UNKL: variants seen among roughly 807,000 people sequenced by gnomAD.
UNKL encodes the protein unk like zinc finger, also known as putative E3 ubiquitin-protein ligase UNKL.
A neutral mutation model predicts 78.0 loss-of-function variants in UNKL; 60 were observed. The observed-to-expected ratio is 0.77, with a 90% CI of 0.63 to 0.95. The LOEUF (loss-of-function observed/expected upper bound fraction) is 0.95, where lower values mean the gene tolerates loss of function less well. Among genes scored for constraint, UNKL ranks in the 40% least tolerant of loss-of-function variants. The pLI is 0.00. For missense variants in UNKL, 1,159 were observed against 1,045.7 expected (o/e 1.11, Z -1.49); for synonymous variants, 608 against 474.8 (o/e 1.28, Z -3.65).
In UNKL at chr16:1,371,577, A is replaced by G; in HGVS notation, c.1299T>C (p.Asn433=). ...SALDLHLSNV[N]IASLEKDLEE... is the part of the protein sequence containing the mutation. ...CCAGGTCCTTCTCTAGGGATGCAATATTCACATTGCTAAGATGCAGGTCTA... is the reference window on the plus strand; with the variant it reads ...CCAGGTCCTTCTCTAGGGATGCAATGTTCACATTGCTAAGATGCAGGTCTA... Residue 433 remains asparagine, a synonymous_variant, in exon 11 of 15, where the codon AAT becomes AAC. Transcript: ENST00000389221. 6.5e-7 allele frequency: 1 copy of G among 1,536,172 alleles called. No individual in the cohort carries two copies. The highest frequency in any genetic ancestry group is 8.7e-7 in the Non-Finnish European group (1 of 1,146,904).
chr16:1,401,706 A>T lies in UNKL; in HGVS notation c.465-5T>A. 6.2e-7 allele frequency: 1 copy of T among 1,607,212 alleles called. No homozygotes were observed. Among genetic ancestry groups the T allele is most frequent in the Non-Finnish European group, 8.5e-7 (1 of 1,177,990 alleles). On this transcript the variant is annotated splice_region_variant and splice_polypyrimidine_tract_variant and intron_variant, in intron 3 of 14. Transcript: ENST00000389221. ...GCTTCCTGGGCCTGCAGCTCCCTGC[A>T]AGCCGAGGACACAGTGGTCACAGCT...
chr16:1,404,009 G>C (rs1468361839), intron 2 of UNKL, among the ~76,000 whole-genome samples: 1 of 152,178 alleles, frequency 6.6e-6, no homozygotes, highest in African/African-American at 2.4e-5. Flanking sequence ...AGTGGAGAGG[G>C]GAAGCAGCTG....
intron 3 of UNKL, among the ~76,000 whole-genome samples, chr16:1,402,952 G>A (rs538199143): frequency 2.2e-4 from 33 of 151,168 alleles, no homozygotes; most frequent in South Asian, 6.3e-4. Context: ...AGATCGCGCC[G>A]CTGCACTCCA....
At chr16:1,392,398 C>G (rs949611543) in intron 8 of UNKL, among the ~76,000 whole-genome samples, 1 of 152,066 alleles carries the variant, frequency 6.6e-6, no homozygotes, top group Non-Finnish European at 1.5e-5. Context: ...CAGTCTCCCC[C>G]ATAGCCTTAC....
rs1403943515 is a variant in UNKL, at chr16:1,364,063, A to C, written c.*2177T>G. 1 of 152,260 alleles carries C rather than the reference A, an allele frequency of 6.6e-6. No homozygotes were observed. The highest frequency in any genetic ancestry group is 1.5e-5 in the Non-Finnish European group (1 of 68,052). The allele number at this position is 152,260 out of a possible 1,614,324, so 9.4% of individuals were successfully genotyped here. On this transcript the variant is annotated 3_prime_UTR_variant, in exon 15 of 15. Transcript: ENST00000389221. ...TATCCCAGAAAAGACCAGAGGCTCCAAATGGGAACCAAGTGCATAAATACA... is the reference window on the plus strand; with the variant it reads ...TATCCCAGAAAAGACCAGAGGCTCCCAATGGGAACCAAGTGCATAAATACA...
intron 5 of UNKL, among the ~76,000 whole-genome samples, chr16:1,397,953 C>T (rs961968980): frequency 6.6e-6 from 1 of 152,236 alleles, no homozygotes; most frequent in African/African-American, 2.4e-5. Context: ...CGCTCACGGA[C>T]ACGCAGGCCC....
rs1470793931 is a variant in UNKL at position 1,379,656 on chromosome 16, C to T, written c.1264+5552G>A. Reference sequence around the variant, plus strand: ...CCAATGCTGACTCACGGTCCGCGGCCGCCCCGCGCCGCCGCCGGGGATTCA... The same window carrying T: ...CCAATGCTGACTCACGGTCCGCGGCTGCCCCGCGCCGCCGCCGGGGATTCA... On this transcript the variant is annotated intron_variant, in intron 10 of 14. Transcript: ENST00000389221. 3.0e-6 allele frequency: 3 copies of T among 984,544 alleles called. No individual in the cohort carries two copies. In the African/African-American group the frequency reaches 5.3e-5, roughly 17 times the overall value. The allele number at this position is 984,544 out of a possible 1,614,324, so 61.0% of individuals were successfully genotyped here.
At chr16:1,370,680 G>A (rs1596652918) in intron 11 of UNKL, among the ~76,000 whole-genome samples, 1 of 152,216 alleles carries the variant, frequency 6.6e-6, no homozygotes, top group African/African-American at 2.4e-5. Context: ...CCATTGGCAC[G>A]GTCCTCCCAG....
At chr16:1,367,455 T>G in intron 13 of UNKL, 106 bp from the exon 14 acceptor site, 1 of 1,377,584 alleles carries the variant, frequency 7.3e-7, no homozygotes. Flanking sequence ...CAGCATCAGC[T>G]GTGGCCCCCT....
chr16:1,396,420 A>G lies in UNKL; in HGVS notation c.852+758T>C, dbSNP rs111272265. Among the ~76,000 whole-genome samples the G allele has an allele frequency of 1.8e-3, 265 of 147,396 alleles. 3 individuals are homozygous for G. Among genetic ancestry groups the G allele is most frequent in the African/African-American group, 5.8e-3 (230 of 39,760 alleles). ...TCGCGTCTCAGCCTCCCGAGTAGCT[A>G]GGACTACAGGCGCGCACCACCACAC... On this transcript the variant is annotated intron_variant, in intron 6 of 14. Coordinates refer to ENST00000389221, the MANE Select transcript of UNKL (RefSeq NM_001372107.1).
At chr16:1,388,588 A>G (rs554202511) in intron 9 of UNKL, among the ~76,000 whole-genome samples, 9 of 152,222 alleles carry the variant, frequency 5.9e-5, no homozygotes, top group African/African-American at 2.2e-4. Context: ...CCTGAAAATC[A>G]TCAACATCCA....
At chr16:1,413,317 C>T (rs957618611) in intron 2 of UNKL, among the ~76,000 whole-genome samples, 1 of 150,766 alleles carries the variant, frequency 6.6e-6, no homozygotes, top group South Asian at 2.1e-4. Context: ...GCCTGTCATC[C>T]CAGCACTTTG....
intron 2 of UNKL, among the ~76,000 whole-genome samples, chr16:1,407,904 C>G (rs924961179): frequency 7.2e-5 from 11 of 151,868 alleles, no homozygotes; most frequent in African/African-American, 9.6e-5. Flanking sequence ...TTTTTTTTTC[C>G]CAATGAAAAT....
chr16:1,383,892 C>T, intron 10 of UNKL: 1 of 403,848 alleles, frequency 2.5e-6, no homozygotes, highest in Non-Finnish European at 5.2e-6. Context: ...CCACACCCTG[C>T]ACAGCAGAGG....
chr16:1,369,979 G>A (rs369560845), intron 12 of UNKL, 151 bp downstream of exon 12: 36 of 1,550,714 alleles, frequency 2.3e-5, no homozygotes, highest in African/African-American at 5.5e-5. Context: ...GGTCTGCGGC[G>A]TGGGGGAACC....
intron 10 of UNKL, among the ~76,000 whole-genome samples, 185 bp from the exon 11 acceptor site, chr16:1,371,796 T>G (rs4984824): frequency 0.92 from 140,629 of 152,244 alleles, 64,981 homozygotes; most frequent in East Asian, 1. Context: ...ACAGGCAGTG[T>G]GAGGCTTGGC....
At chr16:1,384,143 C>T (rs925214492) in intron 10 of UNKL, among the ~76,000 whole-genome samples, 94 of 152,164 alleles carry the variant, frequency 6.2e-4, no homozygotes, top group African/African-American at 2.1e-3. Context: ...GGGGCTTCAG[C>T]ACATCCCATC....
At chr16:1,404,658 C>G (rs2037668930) in intron 2 of UNKL, among the ~76,000 whole-genome samples, 1 of 152,212 alleles carries the variant, frequency 6.6e-6, no homozygotes, top group South Asian at 2.1e-4. Flanking sequence ...GAGACACCTG[C>G]ACACCCATGT....
At chr16:1,412,137 G>A (rs554583189) in intron 2 of UNKL, 1 of 152,158 alleles carries the variant, frequency 6.6e-6, no homozygotes, top group African/African-American at 2.4e-5. Context: ...CCCACAGGAA[G>A]CAAGTAGAAC....
Sources: gnomAD v4.1 joint callset for allele counts (sites outside exome capture counted in the v4.1 genomes callset) on GRCh38, gnomAD v4.1.1 for gene constraint, MANE v1.5 for transcripts, NCBI Gene and HGNC (gene_info 2026-07-23, HGNC 2026-07-21) for gene names.